Variants in ZNF280D observed in about 807,000 individuals in gnomAD.
ZNF280D encodes zinc finger protein 280D.
Under a neutral mutation model 94.7 loss-of-function variants are expected in ZNF280D, and 39 were observed. The ratio of observed to expected loss-of-function variants is 0.41; its 90% CI spans 0.32 to 0.54. ZNF280D has a LOEUF of 0.54. Ranked by LOEUF, ZNF280D falls within the 20% of genes least tolerant of loss-of-function variation. The pLI, the probability that ZNF280D is intolerant of heterozygous loss-of-function variation, is 0.22. For missense variants in ZNF280D, 1,090 were observed against 1,149.3 expected, an observed-to-expected ratio of 0.95 and a Z score of 0.75; for synonymous variants, 398 against 377.6, an observed-to-expected ratio of 1.05 and a Z score of -0.63.
At chr15:56,669,827 T>C (rs2054552157) in intron 13 of ZNF280D, among the ~76,000 whole-genome samples, 1 of 94,610 alleles carries the variant, frequency 1.1e-5, no homozygotes, top group Non-Finnish European at 2.0e-5. Context: ...TACTACAGAT[T>C]ATCAACTGCA....
intron 3 of ZNF280D, among the ~76,000 whole-genome samples, chr15:56,704,849 G>A (rs1166896296): frequency 1.3e-5 from 2 of 152,088 alleles, no homozygotes; most frequent in Non-Finnish European, 2.9e-5. Context: ...CGGGCATGGT[G>A]GCCCACATCT....
At chr15:56,677,107 C>T (rs2055283677) in intron 12 of ZNF280D, among the ~76,000 whole-genome samples, 1 of 152,172 alleles carries the variant, frequency 6.6e-6, no homozygotes. Flanking sequence ...CAAGCTTTAG[C>T]ACCTCTTGCT....
intron 16 of ZNF280D, 101 bp from the exon 17 acceptor site, chr15:56,658,587 A>C: frequency 1.3e-6 from 1 of 762,150 alleles, no homozygotes; most frequent in East Asian, 3.0e-5. Context: ...GTTTGTAATA[A>C]AAGATTATAA....
intron 19 of ZNF280D, 194 bp downstream of exon 19, chr15:56,654,004 G>A (rs770290818): frequency 1.7e-5 from 25 of 1,432,800 alleles, no homozygotes; most frequent in Non-Finnish European, 2.3e-5. Context: ...TTGAACTTAG[G>A]AAATTCCAAC....
At position 56,674,363 on chromosome 15, in the gene ZNF280D, A is replaced by AT. The variant is rs1485757180; in HGVS notation, c.1410+2306dup. On this transcript the variant is annotated intron_variant, in intron 13 of 21. Transcript: ENST00000267807. Reference sequence around the variant, plus strand: ...GAAGATACTTTTTTTTTATAACATTATGTTCAACAAAAGAAACAGTGATCT... The same window carrying AT: ...GAAGATACTTTTTTTTTATAACATTATTGTTCAACAAAAGAAACAGTGATCT... Among the ~76,000 whole-genome samples, 3 of 152,064 alleles carry AT rather than the reference A, an allele frequency of 2.0e-5. No homozygotes were observed. The East Asian group carries it at 5.8e-4, about 29-fold the overall frequency.
At chr15:56,690,682 T>C (rs1420329705) in intron 7 of ZNF280D, among the ~76,000 whole-genome samples, 3 of 152,184 alleles carry the variant, frequency 2.0e-5, no homozygotes, top group African/African-American at 7.2e-5. Context: ...AATGAGGATA[T>C]CCAGGCTATA....
rs551570362 is a variant in ZNF280D, at chr15:56,676,922, A to C, written c.1264-106T>G. 2.2e-5 allele frequency: 18 copies of C among 835,300 alleles called. No homozygotes were observed. In the East Asian group the frequency reaches 4.6e-4, roughly 21 times the overall value. 51.7% of individuals were successfully genotyped at this position (835,300 alleles called of 1,614,324 possible). ...TGTCAGGAGAACATTATGTACTACT[A>C]ATCTAGCTCTGATGCCTTTGCAACC... On this transcript the variant is annotated intron_variant, in intron 12 of 21. Transcript: ENST00000267807.
chr15:56,704,167 C>T lies in ZNF280D; in HGVS notation c.129G>A (p.Glu43=). 1 of 1,613,806 alleles carries T rather than the reference C, an allele frequency of 6.2e-7. No individual in the cohort carries two copies. The highest frequency in any genetic ancestry group is 2.2e-5 in the East Asian group (1 of 44,838). ...VKEVEDDDDD[E]PIFVGEISSS... is the part of the protein sequence containing the mutation. ...TTGATATCTCGCCAACAAAGATTGGCTCATCATCATCGTCATCCTCAACTT... is the reference window on the plus strand; with the variant it reads ...TTGATATCTCGCCAACAAAGATTGGTTCATCATCATCGTCATCCTCAACTT... Residue 43 remains glutamate (E), a synonymous_variant, in exon 4 of 22, where the codon GAG becomes GAA. Transcript: ENST00000267807.
At chr15:56,675,230 C>T (rs1368903995) in intron 13 of ZNF280D, among the ~76,000 whole-genome samples, 2 of 152,024 alleles carry the variant, frequency 1.3e-5, no homozygotes, top group African/African-American at 4.8e-5. Context: ...AGTTACTATT[C>T]TTCCCACATC....
intron 1 of ZNF280D, among the ~76,000 whole-genome samples, chr15:56,723,946 G>C (rs1489928479): frequency 1.3e-5 from 2 of 152,070 alleles, no homozygotes; most frequent in Admixed American, 6.5e-5. Flanking sequence ...CTTTACATTA[G>C]CCTGTGGTTG....
At position 56,689,079 on chromosome 15, in the gene ZNF280D, G is replaced by C. The variant is rs1444495150; in HGVS notation, c.742C>G (p.His248Asp). 8 of 1,609,860 alleles carry C rather than the reference G, an allele frequency of 5.0e-6. No individual in the cohort carries two copies. The East Asian group carries it at 1.8e-4, about 36-fold the overall frequency. The change falls in exon 9 of 22, where the codon CAT (histidine) becomes GAT (aspartate). Residue 248 changes from histidine to aspartate, a missense_variant. This residue lies in a region of ZNF280D where 386 missense variants were observed against 372.0 expected (regional missense o/e 1.04). Transcript: ENST00000267807. ...FPRACPKCNI[H>D]FNLLDPLKNH... ...TTCAAAGGATCCAAAAGATTGAAAT[G>C]AATGTTGCACTTTGGACAAGCTCTT...
chr15:56,694,900 G>T (rs1296714045), intron 6 of ZNF280D, among the ~76,000 whole-genome samples: 1 of 152,116 alleles, frequency 6.6e-6, no homozygotes, highest in African/African-American at 2.4e-5. Context: ...TGGGTAAGGG[G>T]TATATGGGAA....
At chr15:56,689,621 A>C in intron 7 of ZNF280D, 151 bp from the exon 8 acceptor site, 1 of 483,096 alleles carries the variant, frequency 2.1e-6, no homozygotes, top group Non-Finnish European at 3.4e-6. Context: ...ATCCAAACTC[A>C]AGGGTGTAAA....
At chr15:56,717,735 T>C (rs532930720) in intron 1 of ZNF280D, among the ~76,000 whole-genome samples, 1 of 152,224 alleles carries the variant, frequency 6.6e-6, no homozygotes, top group Non-Finnish European at 1.5e-5. Context: ...ACAGGGTAAG[T>C]ATCTCGCCCA....
intron 20 of ZNF280D, 74 bp from the exon 21 acceptor site, chr15:56,635,324 C>G: frequency 1.3e-6 from 1 of 745,228 alleles, no homozygotes; most frequent in African/African-American, 1.9e-5. Context: ...ACTAAACTTT[C>G]TGGATAAAAG....
intron 9 of ZNF280D, among the ~76,000 whole-genome samples, chr15:56,687,062 A>C (rs2056074307): frequency 6.6e-6 from 1 of 152,120 alleles, no homozygotes; most frequent in Admixed American, 6.5e-5. Flanking sequence ...TATAACACTA[A>C]AACTTTAGCT....
chr15:56,669,027 G>T, intron 13 of ZNF280D, 70 bp from the exon 14 acceptor site: 2 of 1,435,852 alleles, frequency 1.4e-6, no homozygotes, highest in South Asian at 1.3e-5. Context: ...TCCTGAAACT[G>T]CTGACTTAAT....
chr15:56,669,951 A>ATATATATAT (rs2054679767), intron 13 of ZNF280D, among the ~76,000 whole-genome samples: 2 of 1,610 alleles, frequency 1.2e-3, no homozygotes, highest in African/African-American at 4.1e-3. Flanking sequence ...TATATATATT[A>ATATATATAT]TATATATATA....
intron 11 of ZNF280D, 56 bp from the exon 12 acceptor site, chr15:56,677,730 A>AT: frequency 1.5e-6 from 1 of 654,526 alleles, no homozygotes; most frequent in Non-Finnish European, 2.2e-6. Context: ...ATAAAAATTA[A>AT]TTTTATACAT....
Sources: allele counts gnomAD v4.1 joint callset (sites outside exome capture counted in the v4.1 genomes callset), GRCh38; gene constraint gnomAD v4.1.1; regional missense constraint gnomAD v4.1.1; transcripts MANE v1.5; gene names NCBI Gene and HGNC (gene_info 2026-07-23, HGNC 2026-07-21).